BRWD1: variants seen among roughly 807,000 people sequenced by gnomAD.
The protein encoded by BRWD1 is bromodomain and WD repeat domain containing 1, also known as bromodomain and WD repeat-containing protein 1.
In BRWD1, 82 loss-of-function variants were observed where a neutral mutation model predicts 251.2. The observed-to-expected ratio is 0.33, with a 90% CI of 0.27 to 0.39. BRWD1 has a LOEUF of 0.39. Ranked by LOEUF, BRWD1 falls within the 10% of genes least tolerant of loss-of-function variation. The pLI, the probability that BRWD1 is intolerant of heterozygous loss-of-function variation, is 1.00. For synonymous variants in BRWD1, 918 were observed against 902.8 expected, an observed-to-expected ratio of 1.02 and a Z score of -0.30; for missense variants, 2,233 against 2,711.6, an observed-to-expected ratio of 0.82 and a Z score of 3.92.
At chr21:39,285,125 C>T (rs144674252) in intron 8 of BRWD1, among the ~76,000 whole-genome samples, 14 of 152,288 alleles carry the variant, frequency 9.2e-5, no homozygotes, top group Non-Finnish European at 1.0e-4. Context: ...TCCGTGTATA[C>T]ACACACACAA....
At position 39,210,066 on chromosome 21, in the gene BRWD1, A is replaced by T; in HGVS notation, c.4126T>A (p.Leu1376Met). 2 of 1,613,622 alleles carry T rather than the reference A, an allele frequency of 1.2e-6. No individual in the cohort carries two copies. The highest frequency in any genetic ancestry group is 1.7e-6 in the Non-Finnish European group (2 of 1,179,694). The part of the protein sequence containing the change: ...TLDAGNYDSP[L>M]EFCKDIRLIF... Reference sequence around the variant, plus strand: ...AGCCGGATGTCTTTGCAAAACTCCAAAGGGCTGTCATAATTTCCCGCATCT... The same window carrying T: ...AGCCGGATGTCTTTGCAAAACTCCATAGGGCTGTCATAATTTCCCGCATCT... The change falls in exon 36 of 41, where the codon TTG becomes ATG. Residue 1376 changes from leucine (L) to methionine (M), a missense_variant. Transcript: ENST00000342449.
intron 37 of BRWD1, among the ~76,000 whole-genome samples, chr21:39,202,861 T>G (rs944735032): frequency 6.6e-6 from 1 of 152,212 alleles, no homozygotes; most frequent in African/African-American, 2.4e-5. Flanking sequence ...TTACGTAATA[T>G]AGGTATTCAT....
chr21:39,226,139 C>T (rs927167940), intron 27 of BRWD1, among the ~76,000 whole-genome samples: 1 of 152,004 alleles, frequency 6.6e-6, no homozygotes. Context: ...TTTCTTCATA[C>T]AAAAACAACC....
At chr21:39,271,696 C>CAAAA (rs34900726) in intron 13 of BRWD1, among the ~76,000 whole-genome samples, 20 of 59,818 alleles carry the variant, frequency 3.3e-4, no homozygotes, top group African/African-American at 4.2e-4. Context: ...GACTCCGTCT[C>CAAAA]AAAAAAAAAA....
intron 37 of BRWD1, among the ~76,000 whole-genome samples, chr21:39,203,498 C>T (rs928869126): frequency 5.6e-5 from 8 of 143,854 alleles, no homozygotes; most frequent in Non-Finnish European, 1.2e-4. Context: ...GCTCCGCCTC[C>T]CGAGTTCACG....
rs2032970981 is a variant in BRWD1, at chr21:39,217,076, TA to T, written c.3659+1075del. 8 of 12,738 alleles carry T rather than the reference TA, an allele frequency of 6.3e-4. No homozygotes were observed. In the South Asian group the frequency reaches 9.1e-3, roughly 15 times the overall value. The allele number at this position is 12,738 out of a possible 1,614,324, so 0.8% of individuals were successfully genotyped here. On this transcript the variant is annotated intron_variant, in intron 31 of 40. Transcript: ENST00000342449. The stretch of plus-strand genomic sequence containing the variant: ...TTATATATATATATATATATATATA[TA>T]TATATATTTTTTTTTTTTTTTTTTT...
At chr21:39,310,773 C>T (rs1294231561) in intron 4 of BRWD1, among the ~76,000 whole-genome samples, 1 of 152,254 alleles carries the variant, frequency 6.6e-6, no homozygotes, top group East Asian at 1.9e-4. Context: ...ACATCCTCAA[C>T]CTCACTTTAG....
In BRWD1 at chr21:39,197,093, A is replaced by G. The variant is rs143656914; in HGVS notation, c.5976T>C (p.Tyr1992=). Residue 1992 remains tyrosine (Y), a synonymous_variant, in exon 41 of 41, where the codon TAT becomes TAC. Transcript: ENST00000342449. ...SVHCEVPSEQ[Y]ACEGKPPDPD... Reference sequence around the variant, plus strand: ...GATCAGGTGGCTTGCCTTCACAGGCATACTGTTCACTTGGTACTTCACAAT... The same window carrying G: ...GATCAGGTGGCTTGCCTTCACAGGCGTACTGTTCACTTGGTACTTCACAAT... 1.3e-4 allele frequency: 207 copies of G among 1,614,144 alleles called. 2 individuals carry two copies. The African/African-American group carries it at 1.7e-3, about 14-fold the overall frequency.
At chr21:39,299,880 G>T (rs1178301496) in intron 4 of BRWD1, among the ~76,000 whole-genome samples, 1 of 151,822 alleles carries the variant, frequency 6.6e-6, no homozygotes, top group African/African-American at 2.4e-5. Flanking sequence ...CTACTTAGGA[G>T]GCTGAGGTAT....
intron 21 of BRWD1, among the ~76,000 whole-genome samples, chr21:39,241,658 T>A (rs2146582888): frequency 6.6e-6 from 1 of 152,248 alleles, no homozygotes; most frequent in East Asian, 1.9e-4. Context: ...TGTGTCTGCA[T>A]ATAATATGTA....
intron 4 of BRWD1, among the ~76,000 whole-genome samples, chr21:39,305,359 C>G (rs1448220263): frequency 6.6e-6 from 1 of 152,188 alleles, no homozygotes; most frequent in African/African-American, 2.4e-5. Context: ...AGTCACTCAA[C>G]TTTTATCCCT....
chr21:39,250,939 T>G lies in BRWD1; in HGVS notation c.2256-50A>C, dbSNP rs746032958. ...ATTAACTACTGAACTGATGGATAACTAAAGGATATAAAGAATAAAAACCAG... is the reference window on the plus strand; with the variant it reads ...ATTAACTACTGAACTGATGGATAACGAAAGGATATAAAGAATAAAAACCAG... On this transcript the variant is annotated intron_variant, in intron 19 of 40. Transcript: ENST00000342449. 10 of 1,056,886 alleles carry G rather than the reference T, an allele frequency of 9.5e-6. No homozygotes were observed. The South Asian group carries it at 1.6e-4, about 16-fold the overall frequency. 65.5% of individuals were successfully genotyped at this position (1,056,886 alleles called of 1,614,324 possible).
At chr21:39,250,004 T>C (rs1370968328) in intron 20 of BRWD1, among the ~76,000 whole-genome samples, 1 of 151,492 alleles carries the variant, frequency 6.6e-6, no homozygotes, top group African/African-American at 2.4e-5. Context: ...TAGAATTTCA[T>C]TCTGGAAGAG....
intron 13 of BRWD1, among the ~76,000 whole-genome samples, chr21:39,270,673 C>A (rs1160080703): frequency 6.6e-6 from 1 of 152,220 alleles, no homozygotes; most frequent in African/African-American, 2.4e-5. Context: ...GATTTTAGGA[C>A]ACCATTACTG....
intron 17 of BRWD1, among the ~76,000 whole-genome samples, chr21:39,261,380 G>C (rs1325721491): frequency 6.6e-6 from 1 of 152,180 alleles, no homozygotes; most frequent in Non-Finnish European, 1.5e-5. Context: ...ATACACAGCA[G>C]AAGTGCTTTA....
intron 17 of BRWD1, among the ~76,000 whole-genome samples, chr21:39,261,484 C>T (rs1324722258): frequency 6.6e-6 from 1 of 152,128 alleles, no homozygotes; most frequent in Non-Finnish European, 1.5e-5. Context: ...TATTTTGGTG[C>T]CACAACCAAG....
chr21:39,313,337 G>T, intron 1 of BRWD1, 38 bp from the exon 2 acceptor site: 1 of 1,513,496 alleles, frequency 6.6e-7, no homozygotes, highest in Non-Finnish European at 8.9e-7. Flanking sequence ...GCCCCGGCGG[G>T]GAGGGGAGGG....
At chr21:39,249,211 C>T (rs1398233890) in intron 20 of BRWD1, among the ~76,000 whole-genome samples, 1 of 152,070 alleles carries the variant, frequency 6.6e-6, no homozygotes, top group African/African-American at 2.4e-5. Flanking sequence ...GAGGGCACAA[C>T]GTGGAAAAAG....
intron 19 of BRWD1, among the ~76,000 whole-genome samples, chr21:39,251,635 G>A (rs370974502): frequency 6.4e-4 from 97 of 152,210 alleles, no homozygotes; most frequent in African/African-American, 2.1e-3. Flanking sequence ...CTCTAAGTAC[G>A]CCAGACAGCC....
Sources: gnomAD v4.1 joint callset for allele counts (sites outside exome capture counted in the v4.1 genomes callset) on GRCh38, gnomAD v4.1.1 for gene constraint, MANE v1.5 for transcripts, NCBI Gene and HGNC (gene_info 2026-07-23, HGNC 2026-07-21) for gene names.